SMARCC2: variants seen among roughly 807,000 people sequenced by gnomAD.
The protein encoded by SMARCC2 is SWI/SNF complex subunit SMARCC2.
SMARCC2 carries 15 observed loss-of-function variants against 151.3 expected under a neutral mutation model. The observed-to-expected ratio is 0.10, with a 90% CI of 0.07 to 0.15. The LOEUF (loss-of-function observed/expected upper bound fraction) is 0.15. Among genes scored for constraint, SMARCC2 ranks in the 10% least tolerant of loss-of-function variants. SMARCC2 has a pLI of 1.00. For missense variants in SMARCC2, 1,031 were observed against 1,599.7 expected (o/e 0.64, Z 6.06); for synonymous variants, 590 against 609.5 (o/e 0.97, Z 0.47).
intron 1 of SMARCC2, among the ~76,000 whole-genome samples, chr12:56,189,089 C>T (rs1026926758): frequency 8.0e-5 from 11 of 137,816 alleles, no homozygotes; most frequent in African/African-American, 2.6e-4. Context: ...CTAATGGCAC[C>T]GGGGCCCGCC....
chr12:56,184,115 A>G (rs987856991), intron 6 of SMARCC2, 60 bp downstream of exon 6: 20 of 1,292,794 alleles, frequency 1.5e-5, no homozygotes, highest in Non-Finnish European at 2.1e-5. Flanking sequence ...TGGTGATCTT[A>G]GTCCTCTGCC....
At chr12:56,181,236 A>G in intron 10 of SMARCC2, 135 bp from the exon 11 acceptor site, 2 of 856,520 alleles carry the variant, frequency 2.3e-6, no homozygotes, top group South Asian at 3.5e-5. Flanking sequence ...CAGTAATCAC[A>G]CAGTAATGGG....
In SMARCC2 at chr12:56,163,327, CTTTT is replaced by C. The variant is rs35695803; in HGVS notation, c.*358_*361del. On this transcript the variant is annotated 3_prime_UTR_variant, in exon 29 of 29. Coordinates refer to ENST00000550164, the MANE Select transcript of SMARCC2 (RefSeq NM_001330288.2). ...CTCCAATGTGGCTTTTTAAAATCTA[CTTTT>C]TTTTTTTTTTTTTAATCCATAGAAA... 5.0e-5 allele frequency: 7 copies of C among 139,872 alleles called. No individual in the cohort carries two copies. The highest frequency in any genetic ancestry group is 9.3e-5 in the Non-Finnish European group (6 of 64,836). 8.7% of individuals were successfully genotyped at this position (139,872 alleles called of 1,614,324 possible).
At chr12:56,178,937 C>A in intron 12 of SMARCC2, 60 bp downstream of exon 12, 1 of 1,599,448 alleles carries the variant, frequency 6.3e-7, no homozygotes, top group Non-Finnish European at 8.6e-7. Context: ...GAAAAGGGGG[C>A]AGCTGAGCCC....
intron 16 of SMARCC2, 62 bp from the exon 17 acceptor site, chr12:56,173,911 G>A (rs577690768): frequency 1.1e-5 from 17 of 1,498,042 alleles, no homozygotes; most frequent in Non-Finnish European, 1.5e-5. Flanking sequence ...CGAGGAAGAG[G>A]AAAAGTGGGG....
chr12:56,173,907 A>C, intron 16 of SMARCC2, 58 bp from the exon 17 acceptor site: 1 of 1,525,536 alleles, frequency 6.6e-7, no homozygotes, highest in Non-Finnish European at 8.9e-7. Flanking sequence ...TGCACGAGGA[A>C]GAGGAAAAGT....
At chr12:56,173,336 A>G (rs1469672742) in intron 17 of SMARCC2, among the ~76,000 whole-genome samples, 1 of 152,232 alleles carries the variant, frequency 6.6e-6, no homozygotes, top group African/African-American at 2.4e-5. Context: ...GGAAATGGAA[A>G]AAAAAATGAA....
chr12:56,165,740 G>C, intron 26 of SMARCC2, 41 bp from the exon 27 acceptor site: 1 of 1,587,382 alleles, frequency 6.3e-7, no homozygotes, highest in Non-Finnish European at 8.6e-7. Context: ...ATTTTCAGCA[G>C]ATCCCAAAGG....
rs747817382 is a variant in SMARCC2 at position 56,178,110 on chromosome 12, A to G, written c.1311-17T>C. 6.2e-7 allele frequency: 1 copy of G among 1,606,962 alleles called. No homozygotes were observed. Among genetic ancestry groups the G allele is most frequent in the Non-Finnish European group, 8.5e-7 (1 of 1,175,588 alleles). On this transcript the variant is annotated splice_polypyrimidine_tract_variant and intron_variant, in intron 14 of 28. Coordinates refer to ENST00000550164, the MANE Select transcript of SMARCC2 (RefSeq NM_001330288.2). ...GCATGAACACTGCAAGAAAAGCCAG[A>G]ATGGTTTCAGAAGAAGGCATTGGTG...
At chr12:56,167,068 A>G (rs1000884112) in intron 26 of SMARCC2, among the ~76,000 whole-genome samples, 1 of 150,914 alleles carries the variant, frequency 6.6e-6, no homozygotes, top group African/African-American at 2.4e-5. Flanking sequence ...ATCTCAAAAA[A>G]AAAAAAAAAA....
intron 10 of SMARCC2, 133 bp downstream of exon 10, chr12:56,181,347 CCT>C: frequency 1.5e-6 from 1 of 655,478 alleles, no homozygotes; most frequent in Non-Finnish European, 2.6e-6. Context: ...CCTCATCTTC[CCT>C]CTCAGGACAC....
chr12:56,187,995 C>T lies in SMARCC2; in HGVS notation c.112-689G>A, dbSNP rs188381995. Among the ~76,000 whole-genome samples, 740 of 152,326 alleles carry T rather than the reference C, an allele frequency of 4.9e-3. 1 individual carries two copies. Among genetic ancestry groups the T allele is most frequent in the Non-Finnish European group, 8.3e-3 (565 of 68,032 alleles). On this transcript the variant is annotated intron_variant, in intron 1 of 28. Coordinates refer to ENST00000550164, the MANE Select transcript of SMARCC2 (RefSeq NM_001330288.2). ...TGCTACCTAGTAGCATCCTAGCCTT[C>T]CATTCTAATTTGAACCTGAGCCAGG... is the stretch of plus-strand genomic sequence containing the variant.
intron 1 of SMARCC2, among the ~76,000 whole-genome samples, 178 bp downstream of exon 1, chr12:56,189,173 G>A (rs1230198666): frequency 6.8e-6 from 1 of 147,782 alleles, no homozygotes; most frequent in East Asian, 2.0e-4. Context: ...CTGGGGGTGC[G>A]GGGAGAGGGA....
intron 1 of SMARCC2, 80 bp from the exon 2 acceptor site, chr12:56,187,386 C>A (rs1877464577): frequency 1.1e-5 from 15 of 1,378,662 alleles, no homozygotes; most frequent in Middle Eastern, 1.9e-4. Context: ...CCCCCAGGGG[C>A]TCTGGAAGCA....
At chr12:56,168,807 C>T (rs571795125) in intron 25 of SMARCC2, among the ~76,000 whole-genome samples, 1 of 152,234 alleles carries the variant, frequency 6.6e-6, no homozygotes, top group East Asian at 1.9e-4. Context: ...GGGTGAAACC[C>T]CATCTCTGCT....
At chr12:56,187,514 T>C (rs1348041768) in intron 1 of SMARCC2, among the ~76,000 whole-genome samples, 1 of 152,114 alleles carries the variant, frequency 6.6e-6, no homozygotes, top group Non-Finnish European at 1.5e-5. Context: ...CCAGCCCAGG[T>C]GGCCAGTGTT....
chr12:56,183,067 T>TG (rs1031163190), intron 7 of SMARCC2, among the ~76,000 whole-genome samples: 22 of 151,816 alleles, frequency 1.4e-4, no homozygotes, highest in Non-Finnish European at 2.8e-4. Context: ...CTCAAACTCC[T>TG]GGGCTCAAGC....
intron 15 of SMARCC2, among the ~76,000 whole-genome samples, chr12:56,177,799 G>A (rs887278845): frequency 1.3e-5 from 2 of 152,240 alleles, no homozygotes; most frequent in African/African-American, 4.8e-5. Flanking sequence ...GTTATGTATA[G>A]AACATGCTTA....
Position 56,172,589 on chromosome 12 carries a change from G to C in SMARCC2, c.1859C>G (p.Ser620Cys). The change falls in exon 19 of 29, where the codon TCC (serine) becomes TGC (cysteine). Residue 620 changes from serine to cysteine, a missense_variant. Physicochemically the swap from Ser to Cys is moderately radical, Grantham distance 112. Around this residue, in one of 12 missense-constraint regions of SMARCC2, gnomAD observed 99 missense variants for 148.3 expected, o/e 0.67. Transcript: ENST00000550164. ...TDMYTKKNVP[S>C]KSKAAASATR... ...GAGTCGGCCCGCACCTCCTACCTTGGAGGGAACATTCTTTTTTGTGTACAT... is the reference window on the plus strand; with the variant it reads ...GAGTCGGCCCGCACCTCCTACCTTGCAGGGAACATTCTTTTTTGTGTACAT... The C allele has an allele frequency of 6.2e-7, 1 of 1,614,232 alleles. No individual in the cohort carries two copies. Among genetic ancestry groups the C allele is most frequent in the Non-Finnish European group, 8.5e-7 (1 of 1,180,038 alleles).
Sources: allele counts gnomAD v4.1 joint callset (sites outside exome capture counted in the v4.1 genomes callset), GRCh38; gene constraint gnomAD v4.1.1; regional missense constraint gnomAD v4.1.1; transcripts MANE v1.5; gene names NCBI Gene and HGNC (gene_info 2026-07-23, HGNC 2026-07-21).